The following NRG3 variants were observed in gnomAD, a reference collection of about 807,000 sequenced individuals.
NRG3 encodes the protein neuregulin 3.
NRG3 carries 31 observed loss-of-function variants against 66.9 expected under a neutral mutation model. That is an observed-to-expected ratio of 0.46 (90% confidence interval 0.35 to 0.63). The LOEUF is 0.63. Among genes scored for constraint, NRG3 ranks in the 20% least tolerant of loss-of-function variants. NRG3 has a pLI of 0.00. For synonymous variants in NRG3, 393 were observed against 359.4 expected, an observed-to-expected ratio of 1.09 and a Z score of -1.06; for missense variants, 910 against 878.9, an observed-to-expected ratio of 1.04 and a Z score of -0.45.
intron 2 of NRG3, among the ~76,000 whole-genome samples, chr10:82,565,842 CA>C (rs1392807531): frequency 2.6e-5 from 4 of 152,006 alleles, no homozygotes; most frequent in Middle Eastern, 3.2e-3. Flanking sequence ...ACTACAGAAT[CA>C]GGGCAAAGAG....
chr10:82,140,662 TTGAAGACTGCAG>T (rs1272521535), intron 1 of NRG3, among the ~76,000 whole-genome samples: 5 of 151,756 alleles, frequency 3.3e-5, no homozygotes, highest in Non-Finnish European at 5.9e-5. Flanking sequence ...AGCCCAGGAG[TTGAAGACTGCAG>T]TGAACTCTGA....
chr10:82,656,271 T>C (rs993633210), intron 2 of NRG3, among the ~76,000 whole-genome samples: 9 of 151,594 alleles, frequency 5.9e-5, no homozygotes, highest in Non-Finnish European at 1.2e-4. Flanking sequence ...ACAAGAACTT[T>C]GGTGATCTCT....
At chr10:82,095,034 AT>A (rs940996542) in intron 1 of NRG3, among the ~76,000 whole-genome samples, 6 of 151,966 alleles carry the variant, frequency 3.9e-5, no homozygotes, top group Non-Finnish European at 8.8e-5. Flanking sequence ...AATTTATACA[AT>A]TTTTTTTAAA....
chr10:81,994,966 C>T (rs980923703), intron 1 of NRG3, among the ~76,000 whole-genome samples: 8 of 152,062 alleles, frequency 5.3e-5, no homozygotes, highest in African/African-American at 1.9e-4. Context: ...GGTAACTGCA[C>T]TTGTTCCATT....
intron 2 of NRG3, among the ~76,000 whole-genome samples, chr10:82,413,199 G>A (rs916433335): frequency 5.9e-5 from 9 of 152,102 alleles, no homozygotes; most frequent in Admixed American, 3.3e-4. Context: ...CTTATGAAAC[G>A]TATTTCTTAG....
At chr10:82,776,129 C>A (rs2059905573) in intron 3 of NRG3, among the ~76,000 whole-genome samples, 2 of 152,164 alleles carry the variant, frequency 1.3e-5, no homozygotes, top group Admixed American at 1.3e-4. Flanking sequence ...GGTGATACAT[C>A]TTCTGACATT....
At chr10:82,751,526 C>A (rs371314124) in intron 3 of NRG3, among the ~76,000 whole-genome samples, 10 of 152,222 alleles carry the variant, frequency 6.6e-5, no homozygotes, top group African/African-American at 2.4e-4. Flanking sequence ...ATTTGTAAAT[C>A]AAAAACACAT....
chr10:82,811,892 G>A (rs576905453), intron 3 of NRG3, among the ~76,000 whole-genome samples: 1 of 152,306 alleles, frequency 6.6e-6, no homozygotes, highest in African/African-American at 2.4e-5. Context: ...AACCATGATA[G>A]TTGACTGAAT....
intron 2 of NRG3, among the ~76,000 whole-genome samples, chr10:82,609,356 T>C (rs1364244052): frequency 3.9e-5 from 6 of 152,150 alleles, no homozygotes; most frequent in Non-Finnish European, 5.9e-5. Context: ...ACTGATTTGG[T>C]ATGTAGCTTT....
At chr10:82,133,077 ATTAT>A (rs1472669631) in intron 1 of NRG3, among the ~76,000 whole-genome samples, 1 of 150,738 alleles carries the variant, frequency 6.6e-6, no homozygotes, top group Non-Finnish European at 1.5e-5. Context: ...TATATTCTTT[ATTAT>A]TTCTTTTCTT....
chr10:82,898,700 G>A (rs1843899192), intron 4 of NRG3, among the ~76,000 whole-genome samples: 2 of 150,780 alleles, frequency 1.3e-5, no homozygotes, highest in African/African-American at 4.9e-5. Flanking sequence ...CTGAATAGAA[G>A]GCCAGGAGTT....
intron 3 of NRG3, among the ~76,000 whole-genome samples, chr10:82,755,677 T>C (rs1195316858): frequency 6.6e-6 from 1 of 152,132 alleles, no homozygotes; most frequent in Non-Finnish European, 1.5e-5. Context: ...GATTATCTGC[T>C]GAGAAGGACA....
At chr10:82,156,386 C>T (rs2071187639) in intron 1 of NRG3, among the ~76,000 whole-genome samples, 1 of 151,486 alleles carries the variant, frequency 6.6e-6, no homozygotes, top group Non-Finnish European at 1.5e-5. Context: ...CAGGCCTCAA[C>T]TTCCTCATCC....
At chr10:82,897,557 C>T (rs1458807371) in intron 4 of NRG3, among the ~76,000 whole-genome samples, 2 of 152,100 alleles carry the variant, frequency 1.3e-5, no homozygotes, top group African/African-American at 2.4e-5. Flanking sequence ...CTCTTTCTGT[C>T]ACCCAGGCTG....
chr10:82,301,829 T>G (rs989438793), intron 1 of NRG3, among the ~76,000 whole-genome samples: 1 of 151,756 alleles, frequency 6.6e-6, no homozygotes, highest in Admixed American at 6.6e-5. Flanking sequence ...ACTTTTGTTT[T>G]GGCCTGCTGT....
intron 4 of NRG3, among the ~76,000 whole-genome samples, chr10:82,876,568 C>T (rs895581283): frequency 6.6e-6 from 1 of 152,176 alleles, no homozygotes; most frequent in Non-Finnish European, 1.5e-5. Flanking sequence ...TCAAATCAGA[C>T]ACAGAATAAT....
intron 3 of NRG3, among the ~76,000 whole-genome samples, chr10:82,802,662 A>T (rs572217618): frequency 1.7e-3 from 263 of 151,810 alleles, no homozygotes; most frequent in Non-Finnish European, 2.7e-3. Flanking sequence ...TATTTTTTTT[A>T]AATTTTTTGA....
chr10:82,001,253 A>T (rs977128722), intron 1 of NRG3, among the ~76,000 whole-genome samples: 1 of 151,974 alleles, frequency 6.6e-6, no homozygotes, highest in Admixed American at 6.6e-5. Context: ...CTGCAATCCC[A>T]GCACTTTGGG....
intron 1 of NRG3, among the ~76,000 whole-genome samples, chr10:82,159,247 A>C (rs1379899801): frequency 6.6e-6 from 1 of 151,876 alleles, no homozygotes; most frequent in Non-Finnish European, 1.5e-5. Flanking sequence ...ATGGTTCTCT[A>C]TTGCACTCAG....
Sources: allele counts gnomAD v4.1 joint callset (sites outside exome capture counted in the v4.1 genomes callset), GRCh38; gene constraint gnomAD v4.1.1; transcripts MANE v1.5; gene names NCBI Gene and HGNC (gene_info 2026-07-23, HGNC 2026-07-21).